The following SYNE2 variants were observed in gnomAD, a reference collection of about 807,000 sequenced individuals.
SYNE2 encodes the protein spectrin repeat containing nuclear envelope protein 2, also known as nesprin-2.
Under a neutral mutation model 856.3 loss-of-function variants are expected in SYNE2, and 431 were observed. The ratio of observed to expected loss-of-function variants is 0.50; its 90% CI spans 0.47 to 0.55. SYNE2 has a LOEUF of 0.55. SYNE2 is among the 20% of genes least tolerant of loss of function. The pLI, the probability that SYNE2 is intolerant of heterozygous loss-of-function variation, is 0.00. For synonymous variants in SYNE2, 2,923 were observed against 2,872.3 expected, an observed-to-expected ratio of 1.02 and a Z score of -0.56; for missense variants, 8,129 against 8,023.2, an observed-to-expected ratio of 1.01 and a Z score of -0.50.
intron 1 of SYNE2, among the ~76,000 whole-genome samples, chr14:63,829,309 C>T (rs558730925): frequency 1.1e-4 from 16 of 151,736 alleles, no homozygotes; most frequent in Non-Finnish European, 2.1e-4. Context: ...ACCAGCTACT[C>T]GGGAGGCTGA....
chr14:63,824,703 C>T (rs943695550), intron 1 of SYNE2, among the ~76,000 whole-genome samples: 1 of 151,464 alleles, frequency 6.6e-6, no homozygotes. Context: ...AGGATAAGGG[C>T]TGGAGGTGAT....
intron 6 of SYNE2, 152 bp from the exon 7 acceptor site, chr14:63,949,673 G>A (rs928670102): frequency 1.2e-6 from 1 of 804,854 alleles, no homozygotes; most frequent in Non-Finnish European, 2.1e-6. Flanking sequence ...GGCAGATGCT[G>A]TTATTCAAGG....
At chr14:64,167,168 G>A in intron 90 of SYNE2, 65 bp from the exon 91 acceptor site, 3 of 1,606,208 alleles carry the variant, frequency 1.9e-6, no homozygotes, top group Non-Finnish European at 2.6e-6. Flanking sequence ...AGGTAAGGAG[G>A]GTTTTTTGTC....
chr14:63,911,397 C>T (rs911349349), intron 2 of SYNE2, among the ~76,000 whole-genome samples: 1 of 152,186 alleles, frequency 6.6e-6, no homozygotes, highest in Non-Finnish European at 1.5e-5. Context: ...TATTATTATA[C>T]ATATCAAGTA....
chr14:63,991,476 T>C (rs899501050), intron 21 of SYNE2, among the ~76,000 whole-genome samples: 8 of 152,194 alleles, frequency 5.3e-5, no homozygotes, highest in Admixed American at 2.0e-4. Flanking sequence ...TAAGTGAAAA[T>C]AAGGTACGTG....
chr14:63,974,334 T>G (rs1280469973), intron 11 of SYNE2, among the ~76,000 whole-genome samples: 1 of 152,024 alleles, frequency 6.6e-6, no homozygotes, highest in African/African-American at 2.4e-5. Context: ...CTTCCATTCA[T>G]AGTGGAAGGC....
chr14:63,887,103 A>G (rs2095006400), intron 1 of SYNE2, among the ~76,000 whole-genome samples: 1 of 152,142 alleles, frequency 6.6e-6, no homozygotes, highest in African/African-American at 2.4e-5. Context: ...CAACGTGGTG[A>G]AACCCCGTCT....
intron 100 of SYNE2, chr14:64,208,230 C>T (rs951983527): frequency 1.8e-5 from 8 of 449,576 alleles, no homozygotes; most frequent in African/African-American, 1.0e-4. Context: ...GCTCATGAAG[C>T]CCTTGAATGG....
At chr14:63,949,297 C>G (rs951174938) in intron 6 of SYNE2, among the ~76,000 whole-genome samples, 2 of 151,978 alleles carry the variant, frequency 1.3e-5, no homozygotes, top group Non-Finnish European at 2.9e-5. Context: ...ATAATAAAAG[C>G]TATTCTTTTG....
intron 1 of SYNE2, among the ~76,000 whole-genome samples, chr14:63,902,700 CT>C (rs952684849): frequency 1.5e-4 from 22 of 146,070 alleles, no homozygotes; most frequent in East Asian, 6.0e-4. Context: ...TTGTTTTTTT[CT>C]TTTTTTTTTG....
At chr14:64,129,124 A>G (rs528886214) in intron 74 of SYNE2, among the ~76,000 whole-genome samples, 2 of 150,668 alleles carry the variant, frequency 1.3e-5, no homozygotes, top group African/African-American at 5.0e-5. Context: ...CCTGGCCAGC[A>G]TGGCAAACCC....
At chr14:64,117,349 G>A (rs2097860342) in intron 66 of SYNE2, among the ~76,000 whole-genome samples, 1 of 152,110 alleles carries the variant, frequency 6.6e-6, no homozygotes, top group Admixed American at 6.6e-5. Flanking sequence ...ACCCAGGCTG[G>A]AGTGCAGTAG....
rs1267037473 is a variant in SYNE2 at position 64,225,559 on chromosome 14, G to T, written c.*33G>T. On this transcript the variant is annotated 3_prime_UTR_variant, in exon 116 of 116. Transcript: ENST00000555002. ...AGCTGGCCACAGTGCTACACCACCT[G>T]CCTGATTGCCAAGGGTGCCCAGCAC... 1.9e-6 allele frequency: 3 copies of T among 1,607,576 alleles called. No homozygotes were observed. The highest frequency in any genetic ancestry group is 2.2e-5 in the East Asian group (1 of 44,754).
intron 25 of SYNE2, 67 bp downstream of exon 25, chr14:63,997,458 A>T (rs2096722225): frequency 8.1e-7 from 1 of 1,232,590 alleles, no homozygotes; most frequent in Non-Finnish European, 1.2e-6. Context: ...ACAATAATTC[A>T]CTTCTCATTA....
chr14:63,987,709 A>G (rs1159639898), intron 19 of SYNE2, among the ~76,000 whole-genome samples: 1 of 151,914 alleles, frequency 6.6e-6, no homozygotes, highest in Non-Finnish European at 1.5e-5. Flanking sequence ...GTATTTATTT[A>G]CTCTATCTGG....
chr14:64,166,016 A>G (rs577159279), intron 90 of SYNE2, among the ~76,000 whole-genome samples: 4 of 149,956 alleles, frequency 2.7e-5, no homozygotes, highest in Non-Finnish European at 5.9e-5. Context: ...TTTTCTGGTT[A>G]GTTTAATATA....
intron 48 of SYNE2, among the ~76,000 whole-genome samples, chr14:64,054,082 G>C (rs7157993): frequency 1.3e-5 from 2 of 152,214 alleles, no homozygotes; most frequent in Non-Finnish European, 2.9e-5. Context: ...TAGGTTCTAC[G>C]TAGAAATTCT....
At chr14:63,808,928 C>T (rs1888497429) in intron 1 of SYNE2, among the ~76,000 whole-genome samples, 1 of 152,140 alleles carries the variant, frequency 6.6e-6, no homozygotes, top group South Asian at 2.1e-4. Context: ...GAGGCTGAGG[C>T]AGGAGAATTG....
At chr14:63,868,335 C>T (rs556892810) in intron 1 of SYNE2, among the ~76,000 whole-genome samples, 13 of 151,834 alleles carry the variant, frequency 8.6e-5, no homozygotes, top group South Asian at 2.1e-4. Context: ...ATTAGCCAGG[C>T]GTGGTGGTGC....
Sources: allele counts gnomAD v4.1 joint callset (sites outside exome capture counted in the v4.1 genomes callset), GRCh38; gene constraint gnomAD v4.1.1; transcripts MANE v1.5; gene names NCBI Gene and HGNC (gene_info 2026-07-23, HGNC 2026-07-21).